Variants in SDK1 observed in about 807,000 individuals in gnomAD.
SDK1 encodes the protein sidekick cell adhesion molecule 1.
Under a neutral mutation model 245.5 loss-of-function variants are expected in SDK1, and 157 were observed. The observed-to-expected ratio is 0.64, with a 90% CI of 0.56 to 0.73. The LOEUF (loss-of-function observed/expected upper bound fraction) is 0.73. Among genes scored for constraint, SDK1 ranks in the 30% least tolerant of loss-of-function variants. The pLI, the probability that SDK1 is intolerant of heterozygous loss-of-function variation, is 0.00. For synonymous variants in SDK1, 1,647 were observed against 1,278.5 expected, an observed-to-expected ratio of 1.29 and a Z score of -6.15; for missense variants, 3,583 against 3,002.3, an observed-to-expected ratio of 1.19 and a Z score of -4.52.
At chr7:3,783,424 G>C (rs894257963) in intron 4 of SDK1, among the ~76,000 whole-genome samples, 2 of 151,414 alleles carry the variant, frequency 1.3e-5, no homozygotes, top group South Asian at 4.2e-4. Context: ...AGTTGTCACT[G>C]TTTGCTGATA....
intron 1 of SDK1, among the ~76,000 whole-genome samples, chr7:3,526,192 C>G (rs1263219900): frequency 6.6e-6 from 1 of 151,858 alleles, no homozygotes; most frequent in Non-Finnish European, 1.5e-5. Context: ...GAGATCGCAT[C>G]ACTGAACTCC....
rs1221639305 is a variant in SDK1, at chr7:3,804,246, G to C, written c.714-17204G>C. Among the ~76,000 whole-genome samples, 9 of 152,194 alleles carry C rather than the reference G, an allele frequency of 5.9e-5. No homozygotes were observed. In the East Asian group the frequency reaches 1.5e-3, roughly 26 times the overall value. On this transcript the variant is annotated intron_variant, in intron 4 of 44. Transcript: ENST00000404826. ...TACAAATATATTTATGATGTTTTAT[G>C]GGTTTATTTTTGTATTCAGTTATAT...
intron 4 of SDK1, among the ~76,000 whole-genome samples, chr7:3,673,975 T>A (rs531754711): frequency 1.3e-5 from 2 of 152,204 alleles, no homozygotes; most frequent in Non-Finnish European, 2.9e-5. Context: ...TAATTTCTAA[T>A]AACTTTTTGG....
At chr7:3,559,483 T>C (rs1429403006) in intron 1 of SDK1, among the ~76,000 whole-genome samples, 1 of 152,170 alleles carries the variant, frequency 6.6e-6, no homozygotes, top group African/African-American at 2.4e-5. Flanking sequence ...CAAATTTTTT[T>C]TTAAGTGCCA....
At chr7:3,343,650 G>T (rs1300239916) in intron 1 of SDK1, among the ~76,000 whole-genome samples, 2 of 152,160 alleles carry the variant, frequency 1.3e-5, no homozygotes, top group Non-Finnish European at 2.9e-5. Flanking sequence ...GGGAAACTTG[G>T]TCAAGGGTGA....
At chr7:3,916,987 A>G (rs535657134) in intron 5 of SDK1, among the ~76,000 whole-genome samples, 1 of 152,350 alleles carries the variant, frequency 6.6e-6, no homozygotes, top group South Asian at 2.1e-4. Context: ...CATTTTGATG[A>G]CTATTCTAGG....
intron 28 of SDK1, among the ~76,000 whole-genome samples, chr7:4,142,988 C>G (rs1458167396): frequency 6.6e-6 from 1 of 152,210 alleles, no homozygotes; most frequent in Non-Finnish European, 1.5e-5. Context: ...CCCGAGGAAG[C>G]AGGACATTGT....
At chr7:3,676,618 C>A (rs1783912564) in intron 4 of SDK1, among the ~76,000 whole-genome samples, 1 of 152,230 alleles carries the variant, frequency 6.6e-6, no homozygotes, top group Non-Finnish European at 1.5e-5. Context: ...AGCCACCACG[C>A]CTTGCCCTCT....
intron 4 of SDK1, among the ~76,000 whole-genome samples, chr7:3,791,630 C>T (rs1021420229): frequency 6.6e-6 from 1 of 152,166 alleles, no homozygotes; most frequent in Non-Finnish European, 1.5e-5. Flanking sequence ...GTGGGGAGGA[C>T]GATTGGAGAA....
At chr7:3,318,914 A>G (rs899648922) in intron 1 of SDK1, among the ~76,000 whole-genome samples, 1 of 152,174 alleles carries the variant, frequency 6.6e-6, no homozygotes, top group South Asian at 2.1e-4. Flanking sequence ...CTGGGATAGA[A>G]CTGAGATTTG....
rs193184345 is a variant in SDK1 at position 3,508,562 on chromosome 7, A to G, written c.299-110518A>G. On this transcript the variant is annotated intron_variant, in intron 1 of 44. Coordinates refer to ENST00000404826, the MANE Select transcript of SDK1 (RefSeq NM_152744.4). ...AGGCTGGTCTCGAACTCCTGACCTCAAATGATATACCCGCCTGGGCCTCCC... is the reference window on the plus strand; with the variant it reads ...AGGCTGGTCTCGAACTCCTGACCTCGAATGATATACCCGCCTGGGCCTCCC... Among the ~76,000 whole-genome samples the G allele has an allele frequency of 7.1e-3, 1,088 of 152,174 alleles. 10 individuals are homozygous for G. The highest frequency in any genetic ancestry group is 0.013 in the Non-Finnish European group (865 of 67,978).
At chr7:3,545,031 G>T (rs1362397079) in intron 1 of SDK1, among the ~76,000 whole-genome samples, 1 of 152,176 alleles carries the variant, frequency 6.6e-6, no homozygotes, top group African/African-American at 2.4e-5. Flanking sequence ...CACTGATGGA[G>T]GGGGCAGGAG....
At chr7:3,592,907 A>T (rs1330679446) in intron 1 of SDK1, among the ~76,000 whole-genome samples, 1 of 152,224 alleles carries the variant, frequency 6.6e-6, no homozygotes, top group Non-Finnish European at 1.5e-5. Flanking sequence ...GCCAGTGAAT[A>T]ACCTGGAGTC....
At chr7:3,518,546 A>G (rs1229916272) in intron 1 of SDK1, among the ~76,000 whole-genome samples, 1 of 152,134 alleles carries the variant, frequency 6.6e-6, no homozygotes, top group Non-Finnish European at 1.5e-5. Flanking sequence ...TTCTCAAAAT[A>G]ATACATATAC....
At chr7:3,476,945 C>T (rs73296799) in intron 1 of SDK1, among the ~76,000 whole-genome samples, 2,967 of 152,164 alleles carry the variant, frequency 0.019, 101 homozygotes, top group African/African-American at 0.068. Context: ...GGCCTAAGGA[C>T]GGAGACTCTG....
At chr7:4,255,828 C>G (rs1328883655) in intron 44 of SDK1, among the ~76,000 whole-genome samples, 3 of 152,038 alleles carry the variant, frequency 2.0e-5, no homozygotes, top group East Asian at 3.9e-4. Context: ...ACCACAGACT[C>G]TCACTATCGA....
chr7:3,359,963 G>C (rs1210192948), intron 1 of SDK1, among the ~76,000 whole-genome samples: 1 of 152,160 alleles, frequency 6.6e-6, no homozygotes, highest in African/African-American at 2.4e-5. Context: ...TACAGCAACA[G>C]ACACACTCAC....
At chr7:3,866,533 C>A (rs989481680) in intron 5 of SDK1, among the ~76,000 whole-genome samples, 1 of 151,316 alleles carries the variant, frequency 6.6e-6, no homozygotes, top group African/African-American at 2.4e-5. Flanking sequence ...GTTACAGCTC[C>A]CAAGGGGAGG....
chr7:3,963,845 C>G (rs1446282904), intron 9 of SDK1, among the ~76,000 whole-genome samples: 1 of 152,112 alleles, frequency 6.6e-6, no homozygotes, highest in Non-Finnish European at 1.5e-5. Flanking sequence ...CCAGATGTAT[C>G]CAGTGGGTAC....
Sources: allele counts gnomAD v4.1 joint callset (sites outside exome capture counted in the v4.1 genomes callset), GRCh38; gene constraint gnomAD v4.1.1; transcripts MANE v1.5; gene names NCBI Gene and HGNC (gene_info 2026-07-23, HGNC 2026-07-21).